Variants in USF3 observed in about 807,000 individuals in gnomAD.
USF3 encodes upstream transcription factor family member 3, also known as basic helix-loop-helix domain-containing protein USF3.
In USF3, 29 loss-of-function variants were observed where a neutral mutation model predicts 157.5. The ratio of observed to expected loss-of-function variants is 0.18; its 90% CI spans 0.14 to 0.25. The LOEUF is 0.25. Ranked by LOEUF, USF3 falls within the 10% of genes least tolerant of loss-of-function variation. The probability of loss-of-function intolerance (pLI) is 1.00; values close to 1 mark genes in which losing one functional copy is unlikely to be tolerated. For missense variants in USF3, 2,381 were observed against 2,667.6 expected (o/e 0.89, Z 2.37); for synonymous variants, 893 against 941.4 (o/e 0.95, Z 0.94).
At chr3:113,684,515 C>T (rs1707504674) in intron 1 of USF3, among the ~76,000 whole-genome samples, 1 of 152,148 alleles carries the variant, frequency 6.6e-6, no homozygotes, top group East Asian at 1.9e-4. Context: ...AAGCTATTTT[C>T]TAAATCCTGT....
At chr3:113,666,232 GCATCTAGA>G (rs1271166018) in intron 5 of USF3, among the ~76,000 whole-genome samples, 1 of 144,010 alleles carries the variant, frequency 6.9e-6, no homozygotes, top group African/African-American at 2.5e-5. Context: ...CTTCCATATA[GCATCTAGA>G]CATCTTTCTT....
At position 113,658,692 on chromosome 3, in the gene USF3, C is replaced by A. The variant is rs1182518000; in HGVS notation, c.2990G>T (p.Gly997Val). Residue 997 changes from glycine (G) to valine (V), a missense_variant, in exon 7 of 7, where the codon GGT becomes GTT. Gly to Val is a moderately radical substitution (Grantham distance 109, BLOSUM62 -3). This residue lies in a region of USF3 where 1,435 missense variants were observed against 1,550.9 expected (regional missense o/e 0.93). Transcript: ENST00000316407. ...AGTTAAACCTTGCCCCTTTAAGAGA[C>A]CTGTGGTTTGCATTGTATCTGATGA... is the stretch of plus-strand genomic sequence containing the variant. ...QDSSDTMQTT[G>V]LLKGQGLTTL... 1 of 1,613,706 alleles carries A rather than the reference C, an allele frequency of 6.2e-7. No individual in the cohort carries two copies. The highest frequency in any genetic ancestry group is 8.5e-7 in the Non-Finnish European group (1 of 1,179,940).
At chr3:113,671,690 T>C (rs919382375) in intron 4 of USF3, among the ~76,000 whole-genome samples, 1 of 152,064 alleles carries the variant, frequency 6.6e-6, no homozygotes, top group African/African-American at 2.4e-5. Flanking sequence ...GCAAAATATA[T>C]ATATTTTTTG....
In USF3 at chr3:113,652,095, G is replaced by GAGAGAGAGAA. The variant is rs1947269300; in HGVS notation, c.*2848_*2849insTTCTCTCTCT. 7.8e-6 allele frequency: 1 copy of GAGAGAGAGAA among 128,252 alleles called. No individual in the cohort carries two copies. The highest frequency in any genetic ancestry group is 7.7e-5 in the Admixed American group (1 of 13,044). The allele number at this position is 128,252 out of a possible 1,614,324, so 7.9% of individuals were successfully genotyped here. On this transcript the variant is annotated 3_prime_UTR_variant, in exon 7 of 7. Transcript: ENST00000316407. ...ACTTAACAGCCACTGGAGAGAGAGAGAGAGAGAGAGAGAGTGTGTGTGTGT... is the reference window on the plus strand; with the variant it reads ...ACTTAACAGCCACTGGAGAGAGAGAGAGAGAGAGAAAGAGAGAGAGAGAGTGTGTGTGTGT...
intron 1 of USF3, among the ~76,000 whole-genome samples, chr3:113,686,969 C>A (rs1184592133): frequency 6.6e-6 from 1 of 152,074 alleles, no homozygotes; most frequent in Non-Finnish European, 1.5e-5. Flanking sequence ...CTAAGTCTAG[C>A]CCACACGCAA....
chr3:113,670,649 G>A (rs556173198), intron 4 of USF3, among the ~76,000 whole-genome samples: 1 of 152,056 alleles, frequency 6.6e-6, no homozygotes, highest in South Asian at 2.1e-4. Flanking sequence ...GGAAGGGGAA[G>A]GGCTTATCAA....
At chr3:113,671,170 A>G (rs138610492) in intron 4 of USF3, among the ~76,000 whole-genome samples, 1 of 152,254 alleles carries the variant, frequency 6.6e-6, no homozygotes, top group Non-Finnish European at 1.5e-5. Context: ...AGAGATTTTA[A>G]TGATAATCAA....
Position 113,650,898 on chromosome 3 carries a change from A to C in USF3, c.*4046T>G, listed in dbSNP as rs1947249422. 1 of 152,162 alleles carries C rather than the reference A, an allele frequency of 6.6e-6. No homozygotes were observed. Among genetic ancestry groups the C allele is most frequent in the Non-Finnish European group, 1.5e-5 (1 of 68,030 alleles). 9.4% of individuals were successfully genotyped at this position (152,162 alleles called of 1,614,324 possible). On this transcript the variant is annotated 3_prime_UTR_variant, in exon 7 of 7. Coordinates refer to ENST00000316407, the MANE Select transcript of USF3 (RefSeq NM_001009899.4). ...ATTGAGGAATTCCTACACCTTACCT[A>C]GAAAAAAGGTGCCATCTCTGGTACC...
At chr3:113,661,956 C>T (rs982179103) in intron 6 of USF3, among the ~76,000 whole-genome samples, 9 of 152,188 alleles carry the variant, frequency 5.9e-5, no homozygotes, top group Non-Finnish European at 1.3e-4. Context: ...AAGCAATTGT[C>T]CTGCCTCAGC....
chr3:113,688,740 G>A (rs886943377), intron 1 of USF3, among the ~76,000 whole-genome samples: 4 of 152,174 alleles, frequency 2.6e-5, no homozygotes, highest in East Asian at 1.9e-4. Context: ...CAGCCACTGC[G>A]GTCATTAATA....
intron 1 of USF3, among the ~76,000 whole-genome samples, chr3:113,694,128 G>T (rs1386262112): frequency 1.3e-5 from 2 of 152,252 alleles, no homozygotes; most frequent in African/African-American, 4.8e-5. Context: ...TGATGCTCAT[G>T]TACAGTCTGG....
At chr3:113,675,050 T>C (rs1436566228) in intron 2 of USF3, among the ~76,000 whole-genome samples, 154 bp from the exon 3 acceptor site, 2 of 152,162 alleles carry the variant, frequency 1.3e-5, no homozygotes, top group African/African-American at 2.4e-5. Context: ...GAAAGAAGTA[T>C]AAGAAAATAG....
At chr3:113,687,216 T>A (rs917688509) in intron 1 of USF3, among the ~76,000 whole-genome samples, 2 of 142,222 alleles carry the variant, frequency 1.4e-5, no homozygotes, top group African/African-American at 5.4e-5. Context: ...TGTTGTGCCC[T>A]TTACACACAC....
At chr3:113,661,626 A>T (rs1263369204) in intron 6 of USF3, among the ~76,000 whole-genome samples, 1 of 152,188 alleles carries the variant, frequency 6.6e-6, no homozygotes, top group Non-Finnish European at 1.5e-5. Context: ...CTCCTTTAAA[A>T]AGTATAAATT....
intron 2 of USF3, 94 bp downstream of exon 2, chr3:113,677,188 C>G (rs1344755982): frequency 1.3e-5 from 2 of 152,144 alleles, no homozygotes; most frequent in African/African-American, 4.8e-5. Context: ...ACCTATCAGC[C>G]TAAAAGCAAT....
intron 1 of USF3, among the ~76,000 whole-genome samples, chr3:113,682,839 T>C (rs1045489606): frequency 6.6e-6 from 1 of 152,082 alleles, no homozygotes; most frequent in Non-Finnish European, 1.5e-5. Context: ...TCTATGTGTG[T>C]CTGTGTGTCT....
At position 113,657,706 on chromosome 3, in the gene USF3, C is replaced by A. The variant is rs1215942730; in HGVS notation, c.3976G>T (p.Asp1326Tyr). ...LLKPSHESRK[D>Y]SAKRAVQDDL... ...TCTTGGACAGCACGCTTAGCAGAATCCTTACGGCTTTCATGGCTTGGCTTT... is the reference window on the plus strand; with the variant it reads ...TCTTGGACAGCACGCTTAGCAGAATACTTACGGCTTTCATGGCTTGGCTTT... The change falls in exon 7 of 7, where the codon GAT becomes TAT. Residue 1326 changes from aspartate (D) to tyrosine (Y), a missense_variant. Coordinates refer to ENST00000316407, the MANE Select transcript of USF3 (RefSeq NM_001009899.4). 2 of 1,614,026 alleles carry A rather than the reference C, an allele frequency of 1.2e-6. No individual in the cohort carries two copies. Among genetic ancestry groups the A allele is most frequent in the Non-Finnish European group, 1.7e-6 (2 of 1,180,044 alleles).
chr3:113,681,507 G>A (rs954367679), intron 1 of USF3, among the ~76,000 whole-genome samples: 1 of 149,828 alleles, frequency 6.7e-6, no homozygotes, highest in Non-Finnish European at 1.5e-5. Context: ...TTATTCCACT[G>A]TGATCAGAGA....
In USF3 at chr3:113,660,803, C is replaced by T; in HGVS notation, c.879G>A (p.Leu293=). The change falls in exon 7 of 7, where the codon TTG becomes TTA. Residue 293 remains leucine (L), a synonymous_variant. Coordinates refer to ENST00000316407, the MANE Select transcript of USF3 (RefSeq NM_001009899.4). ...NKNGQENPKV[L]KKMTPCVTNI... is the part of the protein sequence containing the mutation. ...TTGTAACACAAGGGGTCATTTTCTT[C>T]AATACTTTGGGGTTCTCTTGTCCAT... 3 of 1,614,148 alleles carry T rather than the reference C, an allele frequency of 1.9e-6. No homozygotes were observed. The highest frequency in any genetic ancestry group is 2.5e-6 in the Non-Finnish European group (3 of 1,180,040).
Sources: gnomAD v4.1 joint callset for allele counts (sites outside exome capture counted in the v4.1 genomes callset) on GRCh38, gnomAD v4.1.1 for gene constraint, gnomAD v4.1.1 regional missense constraint, MANE v1.5 for transcripts, NCBI Gene and HGNC (gene_info 2026-07-23, HGNC 2026-07-21) for gene names.